Variants in PTPRO observed in about 807,000 individuals in gnomAD.
The protein encoded by PTPRO is receptor-type tyrosine-protein phosphatase O.
PTPRO carries 62 observed loss-of-function variants against 145.2 expected under a neutral mutation model. That is an observed-to-expected ratio of 0.43 (90% confidence interval 0.35 to 0.53). PTPRO has a LOEUF of 0.53. Among genes scored for constraint, PTPRO ranks in the 20% least tolerant of loss-of-function variants. The pLI is 0.01. For missense variants in PTPRO, 1,345 were observed against 1,482.7 expected, an observed-to-expected ratio of 0.91 and a Z score of 1.53; for synonymous variants, 565 against 514.7, an observed-to-expected ratio of 1.10 and a Z score of -1.32.
At chr12:15,455,485 G>T (rs1201880960) in intron 1 of PTPRO, among the ~76,000 whole-genome samples, 3 of 152,176 alleles carry the variant, frequency 2.0e-5, no homozygotes, top group African/African-American at 7.2e-5. Context: ...CATGGTCCAT[G>T]TACACAGGAC....
intron 1 of PTPRO, among the ~76,000 whole-genome samples, chr12:15,451,931 A>T (rs1941056484): frequency 6.6e-6 from 1 of 152,214 alleles, no homozygotes; most frequent in Admixed American, 6.5e-5. Flanking sequence ...TCACACCTCA[A>T]GGAACTAGAG....
chr12:15,416,648 G>T (rs1298169398), intron 1 of PTPRO, among the ~76,000 whole-genome samples: 1 of 151,088 alleles, frequency 6.6e-6, no homozygotes, highest in Admixed American at 6.6e-5. Context: ...AGTTTCCCAG[G>T]GTCTTTACTG....
At chr12:15,475,188 C>A (rs1941627907) in intron 1 of PTPRO, among the ~76,000 whole-genome samples, 2 of 152,194 alleles carry the variant, frequency 1.3e-5, no homozygotes, top group Non-Finnish European at 2.9e-5. Flanking sequence ...TTATCACAAC[C>A]ACCTTCTGTT....
rs1347723865 is a variant in PTPRO, at chr12:15,484,125, G to A, written c.227G>A (p.Ser76Asn). Residue 76 changes from serine to asparagine, a missense_variant, in exon 2 of 27, where the codon AGC becomes AAC. Transcript: ENST00000281171. ...TTCTTCGAATTTGAGGAATTCAACAGCACTTTGCCTCCTCCTGTTATTTTC... is the reference window on the plus strand; with the variant it reads ...TTCTTCGAATTTGAGGAATTCAACAACACTTTGCCTCCTCCTGTTATTTTC... ...NYFFEFEEFNSTLPPPVIFKA... is the reference protein window; with the variant it reads ...NYFFEFEEFNNTLPPPVIFKA... 6.2e-6 allele frequency: 10 copies of A among 1,613,710 alleles called. No individual in the cohort carries two copies. Among genetic ancestry groups the A allele is most frequent in the African/African-American group, 1.3e-5 (1 of 74,910 alleles).
intron 2 of PTPRO, among the ~76,000 whole-genome samples, chr12:15,496,106 A>AAAT (rs1490652732): frequency 2.0e-5 from 3 of 147,798 alleles, no homozygotes; most frequent in Non-Finnish European, 3.0e-5. Flanking sequence ...AACAGCTTTT[A>AAAT]AATTTTACTT....
intron 12 of PTPRO, among the ~76,000 whole-genome samples, chr12:15,546,004 G>C (rs1591711486): frequency 7.2e-6 from 1 of 139,446 alleles, no homozygotes; most frequent in African/African-American, 2.8e-5. Flanking sequence ...GACAGAGTGA[G>C]ACCCCCGCCT....
chr12:15,592,288 T>C (rs774939515), intron 25 of PTPRO, among the ~76,000 whole-genome samples: 1 of 152,216 alleles, frequency 6.6e-6, no homozygotes, highest in Non-Finnish European at 1.5e-5. Flanking sequence ...GTTATTCTTT[T>C]CACATGTATC....
At chr12:15,420,102 G>A (rs1433015591) in intron 1 of PTPRO, among the ~76,000 whole-genome samples, 1 of 133,030 alleles carries the variant, frequency 7.5e-6, no homozygotes, top group East Asian at 2.2e-4. Flanking sequence ...AGCGGAGATC[G>A]CACCACTGCA....
intron 1 of PTPRO, among the ~76,000 whole-genome samples, chr12:15,401,615 A>G (rs925657375): frequency 3.3e-5 from 5 of 152,240 alleles, no homozygotes; most frequent in Admixed American, 3.3e-4. Context: ...CATATGGAGT[A>G]GACATCCTAC....
rs553427076 is a variant in PTPRO at position 15,432,659 on chromosome 12, G to C, written c.76-51315G>C. ...TTCCCTTTTCTCCGCAACCTTGCCA[G>C]TATCTGTTATTTTGTGACTTTTGAA... is the stretch of plus-strand genomic sequence containing the variant. On this transcript the variant is annotated intron_variant, in intron 1 of 26. Transcript: ENST00000281171. 2.6e-5 allele frequency among the ~76,000 whole-genome samples: 4 copies of C among 152,310 alleles called. No homozygotes were observed. In the South Asian group the frequency reaches 8.3e-4, roughly 32 times the overall value.
At chr12:15,387,033 C>T (rs1352465090) in intron 1 of PTPRO, among the ~76,000 whole-genome samples, 2 of 152,194 alleles carry the variant, frequency 1.3e-5, no homozygotes, top group African/African-American at 4.8e-5. Flanking sequence ...GGAAGCTTCT[C>T]TATTTTCAGA....
At chr12:15,509,076 G>A (rs184592123) in intron 7 of PTPRO, among the ~76,000 whole-genome samples, 24 of 152,216 alleles carry the variant, frequency 1.6e-4, no homozygotes, top group Non-Finnish European at 3.1e-4. Context: ...TCCTGCTCTT[G>A]CAGAGCTTGT....
intron 18 of PTPRO, among the ~76,000 whole-genome samples, chr12:15,567,027 C>T (rs1283579815): frequency 1.3e-5 from 2 of 152,092 alleles, no homozygotes; most frequent in Admixed American, 6.6e-5. Flanking sequence ...AAGATAGCGT[C>T]CTTGGACGAA....
At chr12:15,499,685 C>A in intron 4 of PTPRO, 91 bp downstream of exon 4, 1 of 1,416,350 alleles carries the variant, frequency 7.1e-7, no homozygotes, top group East Asian at 2.4e-5. Context: ...ATATTCTGAT[C>A]CAGAGCAAAG....
chr12:15,539,661 C>T (rs921559454), intron 12 of PTPRO, among the ~76,000 whole-genome samples: 1 of 141,296 alleles, frequency 7.1e-6, no homozygotes, highest in Non-Finnish European at 1.5e-5. Flanking sequence ...GCTCAGGAGG[C>T]TGAGGCAGGA....
rs1943354567 is a variant in PTPRO, at chr12:15,548,372, C to T, written c.2305-722C>T. Among the ~76,000 whole-genome samples the T allele has an allele frequency of 2.0e-5, 3 of 152,174 alleles. No individual in the cohort carries two copies. The South Asian group carries it at 6.2e-4, about 32-fold the overall frequency. ...AAAATGTCTGTAGAGAACTATTTTT[C>T]TATAGCTTTCAAAATTTTAAATGTA... On this transcript the variant is annotated intron_variant, in intron 13 of 26. Coordinates refer to ENST00000281171, the MANE Select transcript of PTPRO (RefSeq NM_030667.3).
At chr12:15,358,557 G>T (rs533934183) in intron 1 of PTPRO, among the ~76,000 whole-genome samples, 1 of 152,212 alleles carries the variant, frequency 6.6e-6, no homozygotes, top group African/African-American at 2.4e-5. Flanking sequence ...AGCCAGCTCT[G>T]TTCAGTCAGG....
At chr12:15,439,866 A>C (rs1037163980) in intron 1 of PTPRO, 3 of 638,040 alleles carry the variant, frequency 4.7e-6, no homozygotes, top group Admixed American at 4.3e-5. Flanking sequence ...GTGCAGAAGC[A>C]GACCCACGTC....
intron 1 of PTPRO, among the ~76,000 whole-genome samples, chr12:15,435,076 GCAGAGAAGATCTGACAAACCTATT>G (rs978416160): frequency 6.6e-6 from 1 of 152,074 alleles, no homozygotes; most frequent in African/African-American, 2.4e-5. Context: ...CCCTAACTTA[GCAGAGAAGATCTGACAAACCTATT>G]CAGTCACTAT....
Sources: gnomAD v4.1 joint callset for allele counts (sites outside exome capture counted in the v4.1 genomes callset) on GRCh38, gnomAD v4.1.1 for gene constraint, MANE v1.5 for transcripts, NCBI Gene and HGNC (gene_info 2026-07-23, HGNC 2026-07-21) for gene names.